The following CRB1 variants were observed in gnomAD, a reference collection of about 807,000 sequenced individuals.
The protein encoded by CRB1 is protein crumbs homolog 1.
Under a neutral mutation model 120.0 loss-of-function variants are expected in CRB1, and 83 were observed. That is an observed-to-expected ratio of 0.69 (90% CI 0.58 to 0.83). The LOEUF is 0.83. Among genes scored for constraint, CRB1 ranks in the 40% least tolerant of loss-of-function variants. The probability of loss-of-function intolerance (pLI) is 0.00; values close to 1 mark genes in which losing one functional copy is unlikely to be tolerated. For synonymous variants in CRB1, 625 were observed against 612.5 expected (o/e 1.02, Z -0.30); for missense variants, 1,699 against 1,687.6 (o/e 1.01, Z -0.12).
At chr1:197,362,428 A>G (rs1362757567) in intron 5 of CRB1, among the ~76,000 whole-genome samples, 1 of 152,132 alleles carries the variant, frequency 6.6e-6, no homozygotes, top group African/African-American at 2.4e-5. Context: ...GATACAGAAT[A>G]GCACTGTCTA....
chr1:197,320,046 AG>A (rs1173144854), intron 1 of CRB1, among the ~76,000 whole-genome samples: 2 of 152,244 alleles, frequency 1.3e-5, no homozygotes, highest in East Asian at 1.9e-4. Context: ...TATTCTATAA[AG>A]ACCTGGCCTT....
At chr1:197,343,042 T>G (rs530276220) in intron 2 of CRB1, among the ~76,000 whole-genome samples, 2 of 152,328 alleles carry the variant, frequency 1.3e-5, no homozygotes, top group South Asian at 2.1e-4. Flanking sequence ...CGACATAAAT[T>G]TAGAGTTTTT....
chr1:197,252,270 A>AT, the CRB1 span, among the ~76,000 whole-genome samples: 1 of 151,360 alleles, frequency 6.6e-6, no homozygotes, highest in Non-Finnish European at 1.5e-5. Flanking sequence ...ATATTATTTG[A>AT]TTTTTTTAAC....
chr1:197,404,794 G>C (rs1478843754), intron 5 of CRB1, among the ~76,000 whole-genome samples: 1 of 152,108 alleles, frequency 6.6e-6, no homozygotes, highest in Non-Finnish European at 1.5e-5. Flanking sequence ...AGCTAAACTT[G>C]TGATAGATAT....
At chr1:197,468,563 G>A (rs1166877882) in intron 11 of CRB1, among the ~76,000 whole-genome samples, 1 of 152,134 alleles carries the variant, frequency 6.6e-6, no homozygotes, top group African/African-American at 2.4e-5. Flanking sequence ...TTACAAGTGT[G>A]TGAGTCGATA....
In CRB1 at chr1:197,268,281, A is replaced by C; in HGVS notation, c.-132A>C. Reference sequence around the variant, plus strand: ...CCTGTATTTTCTGTGAAGGAGCTGTAAGTAGGGTGGGACAGAGATGGCACC... The same window carrying C: ...CCTGTATTTTCTGTGAAGGAGCTGTCAGTAGGGTGGGACAGAGATGGCACC... On this transcript the variant is annotated 5_prime_UTR_variant, in exon 1 of 12. Coordinates refer to ENST00000367400, the MANE Select transcript of CRB1 (RefSeq NM_201253.3). The C allele has an allele frequency of 1.3e-6, 1 of 753,490 alleles. No homozygotes were observed. Among genetic ancestry groups the C allele is most frequent in the Non-Finnish European group, 2.5e-6 (1 of 405,962 alleles). The allele number at this position is 753,490 out of a possible 1,614,324, so 46.7% of individuals were successfully genotyped here.
chr1:197,368,761 G>A (rs778746764), intron 5 of CRB1, among the ~76,000 whole-genome samples: 2 of 152,146 alleles, frequency 1.3e-5, no homozygotes, highest in African/African-American at 2.4e-5. Flanking sequence ...TGAATAATCA[G>A]CAGACAGGTG....
intron 1 of CRB1, among the ~76,000 whole-genome samples, chr1:197,314,702 G>A (rs1231769067): frequency 6.6e-6 from 1 of 151,990 alleles, no homozygotes; most frequent in African/African-American, 2.4e-5. Context: ...TGAATGTATG[G>A]CATCTTTCTT....
At chr1:197,228,781 A>G in the CRB1 span, among the ~76,000 whole-genome samples, 1 of 152,170 alleles carries the variant, frequency 6.6e-6, no homozygotes, top group Non-Finnish European at 1.5e-5. Flanking sequence ...GACATACCCT[A>G]GACTGGGAAG....
chr1:197,228,557 A>G, the CRB1 span, among the ~76,000 whole-genome samples: 1 of 152,124 alleles, frequency 6.6e-6, no homozygotes, highest in East Asian at 1.9e-4. Context: ...CAATATTACT[A>G]TCAGCATTTT....
chr1:197,476,637 C>A (rs1667209977), intron 11 of CRB1, among the ~76,000 whole-genome samples: 1 of 151,926 alleles, frequency 6.6e-6, no homozygotes, highest in African/African-American at 2.4e-5. Flanking sequence ...TAAACCAAGA[C>A]ACAGGGGACA....
the CRB1 span, among the ~76,000 whole-genome samples, chr1:197,258,481 T>C: frequency 3.5e-4 from 54 of 152,338 alleles, no homozygotes; most frequent in South Asian, 0.011. Flanking sequence ...GTTCCATTGA[T>C]ATTTCTGTCA....
At chr1:197,284,455 G>T (rs1208341741) in intron 1 of CRB1, among the ~76,000 whole-genome samples, 2 of 151,856 alleles carry the variant, frequency 1.3e-5, no homozygotes, top group Non-Finnish European at 2.9e-5. Flanking sequence ...ATCTAATCAG[G>T]TTTATGTGAT....
rs1558125488 is a variant in CRB1, at chr1:197,421,144, C to A, written c.1316C>A (p.Ser439Tyr). The A allele has an allele frequency of 6.2e-7, 1 of 1,614,160 alleles. No homozygotes were observed. The highest frequency in any genetic ancestry group is 8.5e-7 in the Non-Finnish European group (1 of 1,179,992). The stretch of plus-strand genomic sequence containing the variant: ...ACTTTTTATGGAGGAAGGGACTGTT[C>A]TGATATTCTCCTGGGCTGTACCCAT... ...SRTFYGGRDC[S>Y]DILLGCTHQQ... Residue 439 changes from serine (S) to tyrosine (Y), a missense_variant, in exon 6 of 12, where the codon TCT becomes TAT. Transcript: ENST00000367400.
chr1:197,446,527 A>G (rs899599929), intron 11 of CRB1, among the ~76,000 whole-genome samples: 16 of 152,318 alleles, frequency 1.1e-4, no homozygotes, highest in Middle Eastern at 6.8e-3. Flanking sequence ...GTTTTTCATC[A>G]TAAGAGAAAT....
chr1:197,458,453 T>G (rs945854168), intron 11 of CRB1, among the ~76,000 whole-genome samples: 1 of 152,120 alleles, frequency 6.6e-6, no homozygotes, highest in Non-Finnish European at 1.5e-5. Flanking sequence ...GAAGGGTTTA[T>G]GCTGTCCACT....
chr1:197,328,007 C>T (rs1226871425), intron 1 of CRB1, among the ~76,000 whole-genome samples: 5 of 152,202 alleles, frequency 3.3e-5, no homozygotes, highest in Non-Finnish European at 7.3e-5. Context: ...TGCAAGGAAA[C>T]AATTTTGCAG....
chr1:197,311,696 T>C (rs1657529137), intron 1 of CRB1, among the ~76,000 whole-genome samples: 2 of 113,708 alleles, frequency 1.8e-5, no homozygotes, highest in Admixed American at 2.1e-4. Flanking sequence ...CCTCATATAG[T>C]TAGTGTGTGT....
chr1:197,335,818 C>T (rs1439279306), intron 2 of CRB1, among the ~76,000 whole-genome samples: 1 of 152,172 alleles, frequency 6.6e-6, no homozygotes, highest in East Asian at 1.9e-4. Context: ...TTAACAGTAA[C>T]TTTCTCCCCT....
Sources: gnomAD v4.1 joint callset for allele counts (sites outside exome capture counted in the v4.1 genomes callset) on GRCh38, gnomAD v4.1.1 for gene constraint, MANE v1.5 for transcripts, NCBI Gene and HGNC (gene_info 2026-07-23, HGNC 2026-07-21) for gene names.